Variants in EFHD1 observed in about 807,000 individuals in gnomAD.
EFHD1 encodes the protein EF-hand domain family member D1.
A neutral mutation model predicts 17.2 loss-of-function variants in EFHD1; 10 were observed. The ratio of observed to expected loss-of-function variants is 0.58; its 90% CI spans 0.36 to 0.99. The LOEUF is 0.99. EFHD1 is among the 50% of genes least tolerant of loss of function. The pLI is 0.01. For missense variants in EFHD1, 310 were observed against 327.5 expected (o/e 0.95, Z 0.41); for synonymous variants, 153 against 142.0 (o/e 1.08, Z -0.55).
At chr2:232,651,861 C>G (rs1436012587) in intron 1 of EFHD1, among the ~76,000 whole-genome samples, 2 of 152,138 alleles carry the variant, frequency 1.3e-5, no homozygotes, top group African/African-American at 2.4e-5. Context: ...CAGTTTCTGT[C>G]TTTGTGAACT....
chr2:232,645,782 A>G (rs149882799), intron 1 of EFHD1, among the ~76,000 whole-genome samples: 1 of 152,274 alleles, frequency 6.6e-6, no homozygotes, highest in East Asian at 1.9e-4. Context: ...ACCCCATTTC[A>G]CAGATGAGGA....
intron 1 of EFHD1, among the ~76,000 whole-genome samples, chr2:232,652,635 A>G (rs80345226): frequency 6.6e-6 from 1 of 152,124 alleles, no homozygotes; most frequent in Non-Finnish European, 1.5e-5. Context: ...TCTTCACAGG[A>G]CTGTTGTGAA....
At chr2:232,639,892 G>A (rs760665115) in intron 1 of EFHD1, among the ~76,000 whole-genome samples, 4 of 152,186 alleles carry the variant, frequency 2.6e-5, no homozygotes, top group South Asian at 4.2e-4. Flanking sequence ...GCCTACCTGC[G>A]TGCTCACACA....
chr2:232,644,933 T>G (rs2106200152), intron 1 of EFHD1, among the ~76,000 whole-genome samples: 1 of 148,940 alleles, frequency 6.7e-6, no homozygotes, highest in East Asian at 2.0e-4. Flanking sequence ...TGAGCCACCA[T>G]GCCTGGCAAT....
chr2:232,640,744 T>C (rs928919617), intron 1 of EFHD1, among the ~76,000 whole-genome samples: 1 of 151,634 alleles, frequency 6.6e-6, no homozygotes, highest in African/African-American at 2.4e-5. Flanking sequence ...CCTGAGAGGA[T>C]GTGAGAGTTG....
chr2:232,624,592 T>G (rs1694075336), intron 1 of EFHD1, among the ~76,000 whole-genome samples: 1 of 152,264 alleles, frequency 6.6e-6, no homozygotes, highest in Admixed American at 6.5e-5. Context: ...AGAACCGCAT[T>G]TAGCTAGTGC....
chr2:232,606,104 C>G, exon 1 of EFHD1: 1 of 1,545,052 alleles, frequency 6.5e-7, no homozygotes, highest in Admixed American at 2.0e-5. Flanking sequence ...TTGCCTTTCT[C>G]CGTACTGTCC....
rs754008887 is a variant in EFHD1 at position 232,662,956 on chromosome 2, G to T, written c.450+7G>T. 11 of 1,571,736 alleles carry T rather than the reference G, an allele frequency of 7.0e-6. No individual in the cohort carries two copies. In the Admixed American group the frequency reaches 2.0e-4, roughly 28 times the overall value. On this transcript the variant is annotated splice_region_variant and intron_variant, in intron 2 of 3. Transcript: ENST00000264059. ...CAAGCTCAGCTTCCGGGAGGTACCT[G>T]CCTGCTGTGGCCCTGAGCCCCTGTG...
intron 1 of EFHD1, among the ~76,000 whole-genome samples, chr2:232,609,502 G>A (rs932142019): frequency 1.3e-5 from 2 of 152,086 alleles, no homozygotes; most frequent in African/African-American, 2.4e-5. Context: ...GTGCCTAAGT[G>A]TGCCAGGCAT....
At chr2:232,621,693 C>G (rs893606326) in intron 1 of EFHD1, among the ~76,000 whole-genome samples, 2 of 152,300 alleles carry the variant, frequency 1.3e-5, no homozygotes, top group Admixed American at 6.5e-5. Context: ...CTCAGGTGAT[C>G]CACCCGCCTT....
chr2:232,636,818 G>A (rs531361116), intron 1 of EFHD1, among the ~76,000 whole-genome samples: 6 of 152,182 alleles, frequency 3.9e-5, no homozygotes, highest in African/African-American at 1.2e-4. Flanking sequence ...GTGCGACTCC[G>A]TCTCAAAAAA....
At chr2:232,657,043 G>T (rs1389614105) in intron 1 of EFHD1, among the ~76,000 whole-genome samples, 1 of 152,206 alleles carries the variant, frequency 6.6e-6, no homozygotes, top group Non-Finnish European at 1.5e-5. Flanking sequence ...GCCTGCCAGA[G>T]TGCTGGGATA....
At chr2:232,617,154 G>C (rs1693939633) in intron 1 of EFHD1, among the ~76,000 whole-genome samples, 1 of 152,230 alleles carries the variant, frequency 6.6e-6, no homozygotes, top group Non-Finnish European at 1.5e-5. Flanking sequence ...CAAGCAATCA[G>C]ATTCCATTCG....
intron 2 of EFHD1, among the ~76,000 whole-genome samples, chr2:232,669,190 G>C (rs188870794): frequency 2.6e-5 from 4 of 152,106 alleles, no homozygotes; most frequent in African/African-American, 9.7e-5. Context: ...CCTATTCTTG[G>C]GGGGCCTGGC....
In EFHD1 at chr2:232,620,160, G is replaced by A. The variant is rs556534369; in HGVS notation, c.14+13987G>A. Among the ~76,000 whole-genome samples, 6 of 149,998 alleles carry A rather than the reference G, an allele frequency of 4.0e-5. No individual in the cohort carries two copies. The South Asian group carries it at 6.4e-4, about 16-fold the overall frequency. ...TCCTAGCACTTCGGGAGGCTGAGGC[G>A]GGTGGATCACGAGGTCAGGAGATCA... is the stretch of plus-strand genomic sequence containing the variant. On this transcript the variant is annotated intron_variant, in intron 1 of 3. Coordinates refer to the EFHD1 transcript ENST00000409613.
chr2:232,628,425 T>A (rs1694145631), intron 1 of EFHD1, among the ~76,000 whole-genome samples: 1 of 152,172 alleles, frequency 6.6e-6, no homozygotes, highest in Non-Finnish European at 1.5e-5. Context: ...CAAATCAAAA[T>A]CCTGAAATTT....
rs1180660473 is a variant in EFHD1 at position 232,619,160 on chromosome 2, TAA to T, written c.14+12989_14+12990del. ...AAGAGCAAAACTCCATCTCAAAATA[TAA>T]ATAAATAAATAAATAAATAAATAAA... On this transcript the variant is annotated intron_variant, in intron 1 of 3. Coordinates refer to the EFHD1 transcript ENST00000409613. Among the ~76,000 whole-genome samples the T allele has an allele frequency of 1.3e-4, 4 of 31,994 alleles. No individual in the cohort carries two copies. The East Asian group carries it at 4.2e-3, about 33-fold the overall frequency. The allele number at this position is 31,994 out of a possible 152,430, so 21.0% of individuals were successfully genotyped here.
intron 1 of EFHD1, among the ~76,000 whole-genome samples, chr2:232,642,373 C>CAAAAAAAA (rs764647177): frequency 1.6e-4 from 11 of 68,940 alleles, no homozygotes; most frequent in Non-Finnish European, 1.8e-4. Context: ...GACTCTGTCT[C>CAAAAAAAA]AAAAAAAAAA....
At chr2:232,657,269 C>T (rs1694779718) in intron 1 of EFHD1, among the ~76,000 whole-genome samples, 2 of 152,166 alleles carry the variant, frequency 1.3e-5, no homozygotes, top group African/African-American at 2.4e-5. Context: ...ACTTCTGTCT[C>T]GATGATTTTG....
Sources: allele counts gnomAD v4.1 joint callset (sites outside exome capture counted in the v4.1 genomes callset), GRCh38; gene constraint gnomAD v4.1.1; transcripts MANE v1.5; gene names NCBI Gene and HGNC (gene_info 2026-07-23, HGNC 2026-07-21).